The following EDARADD variants were observed in gnomAD, a reference collection of about 807,000 sequenced individuals.
EDARADD encodes the protein EDAR associated via death domain, also known as ectodysplasin-A receptor-associated adapter protein.
Under a neutral mutation model 25.6 loss-of-function variants are expected in EDARADD, and 20 were observed. That is an observed-to-expected ratio of 0.78 (90% CI 0.55 to 1.14). EDARADD has a LOEUF of 1.14. EDARADD is among the 50% of genes most tolerant of loss of function. The pLI, the probability that EDARADD is intolerant of heterozygous loss-of-function variation, is 0.00. For synonymous variants in EDARADD, 86 were observed against 94.4 expected (o/e 0.91, Z 0.52); for missense variants, 225 against 270.1 (o/e 0.83, Z 1.17).
intron 4 of EDARADD, among the ~76,000 whole-genome samples, chr1:236,467,227 T>C (rs544954124): frequency 6.6e-6 from 1 of 151,318 alleles, no homozygotes; most frequent in East Asian, 1.9e-4. Context: ...GAGACCCGCA[T>C]TGGCACCGTG....
intron 3 of EDARADD, among the ~76,000 whole-genome samples, chr1:236,388,018 A>T (rs1166880412): frequency 0.016 from 223 of 14,292 alleles, 103 homozygotes; most frequent in East Asian, 0.036. Context: ...TTAAAAAAAA[A>T]AATAATAATA....
chr1:236,434,435 T>G (rs1449762292), intron 4 of EDARADD, among the ~76,000 whole-genome samples: 3 of 152,100 alleles, frequency 2.0e-5, no homozygotes, highest in Non-Finnish European at 2.9e-5. Context: ...AGACGGGGTT[T>G]TGCCATGTTG....
chr1:236,427,256 G>C (rs1657945091), intron 3 of EDARADD, 136 bp from the exon 4 acceptor site: 2 of 788,396 alleles, frequency 2.5e-6, no homozygotes, highest in Non-Finnish European at 4.1e-6. Flanking sequence ...GGAATTTGTA[G>C]TCCAGCCCTT....
chr1:236,417,968 T>TTTC (rs1345751094), intron 3 of EDARADD, among the ~76,000 whole-genome samples: 2 of 151,562 alleles, frequency 1.3e-5, no homozygotes, highest in East Asian at 3.9e-4. Context: ...TTTTCTTTTT[T>TTTC]TTTGAGACGG....
chr1:236,468,264 G>C lies in EDARADD; in HGVS notation c.253G>C (p.Asp85His), dbSNP rs1380626670. ...EENGFPDSTG[D>H]PLPEISKDNS... ...AAATGGCTTTCCAGATAGCACTGGA[G>C]ATCCTCTTCCAGGTAAATGATTGAT... is the stretch of plus-strand genomic sequence containing the variant. Residue 85 changes from aspartate (D) to histidine (H), a missense_variant, in exon 5 of 6, where the codon GAT becomes CAT. Asp to His is a moderately conservative substitution (Grantham distance 81). Transcript: ENST00000334232. 1.2e-6 allele frequency: 2 copies of C among 1,614,084 alleles called. No individual in the cohort carries two copies. The highest frequency in any genetic ancestry group is 1.7e-5 in the Admixed American group (1 of 60,008).
intron 4 of EDARADD, among the ~76,000 whole-genome samples, chr1:236,460,184 TTTC>T (rs1414024309): frequency 1.5e-5 from 2 of 133,208 alleles, no homozygotes; most frequent in Non-Finnish European, 3.4e-5. Context: ...TTCTTTTTCT[TTTC>T]TTTTTTTTTT....
At chr1:236,466,162 A>G (rs1259160404) in intron 4 of EDARADD, among the ~76,000 whole-genome samples, 1 of 152,120 alleles carries the variant, frequency 6.6e-6, no homozygotes, top group Admixed American at 6.6e-5. Flanking sequence ...CAGGTTTCCA[A>G]TTCAGTGAGC....
chr1:236,351,694 G>GCGAGA (rs1183289853), intron 3 of EDARADD, among the ~76,000 whole-genome samples: 1 of 130,102 alleles, frequency 7.7e-6, no homozygotes, highest in African/African-American at 3.0e-5. Context: ...TGGCAACAGA[G>GCGAGA]CGAGACTCTG....
chr1:236,405,789 CTTTTCT>C (rs1558112506), intron 1 of EDARADD, among the ~76,000 whole-genome samples: 757 of 43,320 alleles, frequency 0.017, 29 homozygotes, highest in Non-Finnish European at 0.024. Context: ...TTCTTTCTTT[CTTTTCT>C]TTTTCTTTCT....
chr1:236,484,709 A>C lies in EDARADD; in HGVS notation c.*2060A>C. ...GAGACAGAGTGAGAGTCCGTCCCAG[A>C]AAAAAAAAAAAAAAAAAAGAACTTC... On this transcript the variant is annotated 3_prime_UTR_variant, in exon 6 of 6. Coordinates refer to ENST00000334232, the MANE Select transcript of EDARADD (RefSeq NM_145861.4). This position sits in a 1 kb window ranked among gnomAD's most constrained non-coding sequence, Gnocchi z 4.1. 6 of 35,354 alleles carry C rather than the reference A, an allele frequency of 1.7e-4. No homozygotes were observed. The highest frequency in any genetic ancestry group is 2.1e-4 in the Non-Finnish European group (3 of 13,966). The allele number at this position is 35,354 out of a possible 1,614,324, so 2.2% of individuals were successfully genotyped here.
At chr1:236,376,589 C>A (rs922837470) in intron 3 of EDARADD, among the ~76,000 whole-genome samples, 1 of 151,968 alleles carries the variant, frequency 6.6e-6, no homozygotes, top group Non-Finnish European at 1.5e-5. Context: ...TGTCTTTTTT[C>A]GAACTTTTTT....
chr1:236,459,076 T>C (rs1658963736), intron 4 of EDARADD, among the ~76,000 whole-genome samples: 1 of 152,136 alleles, frequency 6.6e-6, no homozygotes, highest in African/African-American at 2.4e-5. Context: ...TAGCACACAA[T>C]TGTGCACCCG....
chr1:236,393,392 T>TTTTA (rs1667454976), upstream of EDARADD, among the ~76,000 whole-genome samples: 2 of 10,448 alleles, frequency 1.9e-4, no homozygotes, highest in Non-Finnish European at 6.3e-4. Context: ...TCTTTCTTTC[T>TTTTA]TTTTTTTTTT....
At chr1:236,476,707 CAG>C (rs1659518297) in intron 5 of EDARADD, among the ~76,000 whole-genome samples, 1 of 152,130 alleles carries the variant, frequency 6.6e-6, no homozygotes, top group South Asian at 2.1e-4. Context: ...GTATTTTTGG[CAG>C]AGACTGGGTT....
At chr1:236,356,700 G>T (rs147576794) in intron 3 of EDARADD, among the ~76,000 whole-genome samples, 2 of 151,826 alleles carry the variant, frequency 1.3e-5, no homozygotes, top group South Asian at 4.2e-4. Flanking sequence ...CAAACAGTAC[G>T]AATAATCATA....
At chr1:236,432,610 C>T (rs1291367794) in intron 4 of EDARADD, among the ~76,000 whole-genome samples, 2 of 151,890 alleles carry the variant, frequency 1.3e-5, no homozygotes, top group East Asian at 3.9e-4. Context: ...TGCAGACCAA[C>T]TCGGTGGCTC....
intron 2 of EDARADD, among the ~76,000 whole-genome samples, chr1:236,414,011 G>T (rs1395998581): frequency 2.0e-5 from 3 of 151,932 alleles, no homozygotes; most frequent in African/African-American, 7.3e-5. Flanking sequence ...TAGTTTCGTG[G>T]TCCAAGCTGT....
chr1:236,353,332 A>G (rs1027714579), intron 3 of EDARADD, among the ~76,000 whole-genome samples: 3 of 152,154 alleles, frequency 2.0e-5, no homozygotes, highest in African/African-American at 7.2e-5. Flanking sequence ...AGTTTGTAGG[A>G]TTATTGGACA....
chr1:236,403,289 T>C (rs1667646945), intron 1 of EDARADD, among the ~76,000 whole-genome samples: 2 of 150,908 alleles, frequency 1.3e-5, no homozygotes, highest in Admixed American at 1.3e-4. Flanking sequence ...CTTTTTTCTT[T>C]TCTTTTTTCT....
Sources: gnomAD v4.1 joint callset for allele counts (sites outside exome capture counted in the v4.1 genomes callset) on GRCh38, gnomAD v4.1.1 for gene constraint, Gnocchi (gnomAD v3.1) non-coding constraint, MANE v1.5 for transcripts, NCBI Gene and HGNC (gene_info 2026-07-23, HGNC 2026-07-21) for gene names.